Variants in TAF4B observed in about 807,000 individuals in gnomAD.
The protein encoded by TAF4B is TATA-box binding protein associated factor 4b.
A neutral mutation model predicts 86.4 loss-of-function variants in TAF4B; 38 were observed. The ratio of observed to expected loss-of-function variants is 0.44; its 90% CI spans 0.34 to 0.58. TAF4B has a LOEUF of 0.58. TAF4B is among the 20% of genes least tolerant of loss of function. The probability of loss-of-function intolerance (pLI) is 0.02; values close to 1 mark genes in which losing one functional copy is unlikely to be tolerated. For missense variants in TAF4B, 988 were observed against 1,027.6 expected (o/e 0.96, Z 0.53); for synonymous variants, 388 against 391.2 (o/e 0.99, Z 0.10).
chr18:26,297,879 G>A (rs1352669932), intron 9 of TAF4B, among the ~76,000 whole-genome samples: 1 of 152,052 alleles, frequency 6.6e-6, no homozygotes, highest in African/African-American at 2.4e-5. Context: ...CGTATGGTAG[G>A]TATATAAGCA....
chr18:26,361,065 A>G (rs193178206), intron 14 of TAF4B, among the ~76,000 whole-genome samples: 86 of 152,232 alleles, frequency 5.6e-4, no homozygotes, highest in Non-Finnish European at 8.8e-4. Context: ...CTATTTACAT[A>G]TTAGTATCAA....
At chr18:26,373,439 C>G (rs1161664960) in intron 14 of TAF4B, among the ~76,000 whole-genome samples, 1 of 151,964 alleles carries the variant, frequency 6.6e-6, no homozygotes, top group Non-Finnish European at 1.5e-5. Context: ...TTCCTGCCTT[C>G]CTCTTTAATT....
At chr18:26,302,883 T>C (rs547219665) in intron 9 of TAF4B, among the ~76,000 whole-genome samples, 4 of 152,304 alleles carry the variant, frequency 2.6e-5, no homozygotes, top group African/African-American at 7.2e-5. Context: ...TTAAAATGCC[T>C]CTAATCAATA....
chr18:26,365,555 A>C (rs1045559684), intron 14 of TAF4B, among the ~76,000 whole-genome samples: 9 of 152,278 alleles, frequency 5.9e-5, no homozygotes, highest in South Asian at 2.1e-4. Flanking sequence ...ATGTGTGTCT[A>C]TACCAGGTAA....
chr18:26,293,983 CT>C (rs2056630364), intron 9 of TAF4B, among the ~76,000 whole-genome samples: 1 of 152,072 alleles, frequency 6.6e-6, no homozygotes, highest in African/African-American at 2.4e-5. Flanking sequence ...GACGATGGTT[CT>C]TTTGCATTGC....
At chr18:26,237,332 C>T (rs1209079087) in intron 1 of TAF4B, among the ~76,000 whole-genome samples, 2 of 152,204 alleles carry the variant, frequency 1.3e-5, no homozygotes, top group Non-Finnish European at 1.5e-5. Context: ...GCCCTAGACC[C>T]TGTAGGACAT....
chr18:26,324,025 AT>A (rs2056984317), intron 11 of TAF4B, among the ~76,000 whole-genome samples: 1 of 151,928 alleles, frequency 6.6e-6, no homozygotes, highest in South Asian at 2.1e-4. Context: ...GTTTTGTTCC[AT>A]TTTGATCCCC....
chr18:26,337,198 A>C (rs1482600174), intron 13 of TAF4B, among the ~76,000 whole-genome samples: 1 of 152,182 alleles, frequency 6.6e-6, no homozygotes, highest in Non-Finnish European at 1.5e-5. Flanking sequence ...TGATCAAAAA[A>C]ATGAATCAAA....
intron 12 of TAF4B, among the ~76,000 whole-genome samples, chr18:26,334,352 A>G (rs1459497284): frequency 1.3e-5 from 2 of 152,176 alleles, no homozygotes; most frequent in Admixed American, 6.5e-5. Flanking sequence ...TCTAGATATT[A>G]CCTTAGTTAA....
At chr18:26,370,500 T>A (rs2057399293) in intron 14 of TAF4B, among the ~76,000 whole-genome samples, 1 of 152,250 alleles carries the variant, frequency 6.6e-6, no homozygotes, top group African/African-American at 2.4e-5. Context: ...GTTAATCTCC[T>A]GTAGCACCTG....
At chr18:26,246,563 T>C (rs2055927911) in intron 1 of TAF4B, among the ~76,000 whole-genome samples, 2 of 151,850 alleles carry the variant, frequency 1.3e-5, no homozygotes, top group African/African-American at 4.8e-5. Flanking sequence ...GGATGGAGTC[T>C]CACTCTGTCG....
intron 13 of TAF4B, among the ~76,000 whole-genome samples, chr18:26,344,583 A>G (rs1317976664): frequency 6.6e-6 from 1 of 152,222 alleles, no homozygotes; most frequent in African/African-American, 2.4e-5. Flanking sequence ...AAGTCAGATG[A>G]CACCAAAGGG....
At chr18:26,332,313 C>T (rs1051777753) in intron 12 of TAF4B, among the ~76,000 whole-genome samples, 2 of 152,178 alleles carry the variant, frequency 1.3e-5, no homozygotes, top group East Asian at 1.9e-4. Context: ...TGCTAGTCCA[C>T]GCTTCCCTTA....
chr18:26,352,282 A>G, intron 13 of TAF4B, among the ~76,000 whole-genome samples: 1 of 152,094 alleles, frequency 6.6e-6, no homozygotes, highest in East Asian at 1.9e-4. Context: ...CTCAAATCAC[A>G]GGTAATGATA....
intron 1 of TAF4B, among the ~76,000 whole-genome samples, chr18:26,229,728 CCT>C (rs2055635142): frequency 1.3e-5 from 2 of 152,132 alleles, no homozygotes; most frequent in South Asian, 4.2e-4. Context: ...GTCTCGAACT[CCT>C]GACCTCAAGT....
intron 9 of TAF4B, among the ~76,000 whole-genome samples, chr18:26,313,752 A>C (rs781038783): frequency 6.6e-6 from 1 of 151,380 alleles, no homozygotes; most frequent in Non-Finnish European, 1.5e-5. Context: ...TGCAGCCTCT[A>C]CCTCCCAGGC....
intron 12 of TAF4B, among the ~76,000 whole-genome samples, chr18:26,332,851 CT>C (rs1279274446): frequency 1.3e-5 from 2 of 152,090 alleles, no homozygotes; most frequent in Non-Finnish European, 2.9e-5. Context: ...GTTTTTATAG[CT>C]GGAATTAAAG....
intron 2 of TAF4B, among the ~76,000 whole-genome samples, chr18:26,265,543 T>C (rs1323779593): frequency 1.3e-5 from 2 of 152,184 alleles, no homozygotes; most frequent in Non-Finnish European, 2.9e-5. Context: ...CTCAAAGGAA[T>C]GTTCAGAGGG....
chr18:26,333,023 C>T (rs569430303), intron 12 of TAF4B, among the ~76,000 whole-genome samples: 1 of 151,792 alleles, frequency 6.6e-6, no homozygotes, highest in South Asian at 2.1e-4. Context: ...GGAATGTTTT[C>T]CTCCAGATCT....
Sources: gnomAD v4.1 joint callset for allele counts (sites outside exome capture counted in the v4.1 genomes callset) on GRCh38, gnomAD v4.1.1 for gene constraint, MANE v1.5 for transcripts, NCBI Gene and HGNC (gene_info 2026-07-23, HGNC 2026-07-21) for gene names.